The following KBTBD11 variants were observed in gnomAD, a reference collection of about 807,000 sequenced individuals.
KBTBD11 encodes kelch repeat and BTB domain-containing protein 11.
For synonymous variants in KBTBD11, 747 were observed against 499.0 expected, an observed-to-expected ratio of 1.50 and a Z score of -6.63; for missense variants, 1,390 against 1,001.8, an observed-to-expected ratio of 1.39 and a Z score of -5.23.
Position 2,002,458 on chromosome 8 carries a change from G to C in KBTBD11, c.1266G>C (p.Leu422=), listed in dbSNP as rs1585764009. The C allele has an allele frequency of 3.3e-6, 5 of 1,510,142 alleles. No homozygotes were observed. The East Asian group carries it at 1.3e-4, about 40-fold the overall frequency. The allele number at this position is 1,510,142 out of a possible 1,614,324, so 93.5% of individuals were successfully genotyped here. The part of the protein sequence containing the change: ...GHLYAVGGEC[L]LSVERYDPRA... ...TCTACGCCGTGGGCGGCGAGTGCCTGCTCAGCGTGGAGCGCTACGACCCGC... is the reference window on the plus strand; with the variant it reads ...TCTACGCCGTGGGCGGCGAGTGCCTCCTCAGCGTGGAGCGCTACGACCCGC... The change falls in exon 2 of 2, where the codon CTG becomes CTC. Residue 422 remains leucine (L), a synonymous_variant. Transcript: ENST00000320248. The surrounding 1 kb of genome is among the most constrained non-coding windows in gnomAD (Gnocchi z 4.1).
intron 1 of KBTBD11, among the ~76,000 whole-genome samples, chr8:1,977,531 T>G (rs1015479293): frequency 1.3e-5 from 2 of 151,994 alleles, no homozygotes; most frequent in Non-Finnish European, 2.9e-5. Flanking sequence ...TTATTATTAT[T>G]ATTATATTTT....
chr8:1,980,036 T>G (rs1197393896), intron 1 of KBTBD11, among the ~76,000 whole-genome samples: 2 of 152,216 alleles, frequency 1.3e-5, no homozygotes, highest in Non-Finnish European at 2.9e-5. Context: ...TGGCAGTATT[T>G]CATCTGTACA....
rs1310408287 is a variant in KBTBD11 at position 2,001,541 on chromosome 8, C to G, written c.349C>G (p.Pro117Ala). Reference protein sequence around the residue: ...SPEPRVWLEDPASPEEPGEPA... With the variant: ...SPEPRVWLEDAASPEEPGEPA... The stretch of plus-strand genomic sequence containing the variant: ...CGAACCGCGCGTTTGGCTTGAGGAC[C>G]CCGCGTCCCCCGAGGAGCCCGGGGA... The change falls in exon 2 of 2, where the codon CCC becomes GCC. Residue 117 changes from proline to alanine, a missense_variant. Physicochemically the swap from Pro to Ala is conservative, Grantham distance 27 (BLOSUM62 -1). Coordinates refer to ENST00000320248, the MANE Select transcript of KBTBD11 (RefSeq NM_014867.3). 1.4e-6 allele frequency: 2 copies of G among 1,434,158 alleles called. No individual in the cohort carries two copies. The highest frequency in any genetic ancestry group is 1.5e-5 in the African/African-American group (1 of 66,778). 88.8% of individuals were successfully genotyped at this position (1,434,158 alleles called of 1,614,324 possible). A position where few individuals can be genotyped will look rare whatever the true frequency, so the allele number is the denominator to read the frequency against.
intron 1 of KBTBD11, among the ~76,000 whole-genome samples, chr8:1,990,444 G>T (rs35727032): frequency 4.5e-5 from 4 of 89,554 alleles, no homozygotes; most frequent in African/African-American, 4.5e-5. Flanking sequence ...TAGATGCTGC[G>T]GGGCCTTGGC....
Position 2,002,799 on chromosome 8 carries a change from C to T in KBTBD11, c.1607C>T (p.Pro536Leu), listed in dbSNP as rs1467083665. The change falls in exon 2 of 2, where the codon CCG becomes CTG. Residue 536 changes from proline (P) to leucine (L), a missense_variant. Pro to Leu is a moderately conservative substitution (Grantham distance 98). Transcript: ENST00000320248. This position sits in a 1 kb window ranked among gnomAD's most constrained non-coding sequence, Gnocchi z 4.1. ...CACTGCCTGGCCAAGCAGTGGAGCC[C>T]GTGCGTCGCGCCCCTGCGCCTCCCC... The part of the protein sequence containing the change: ...RYHCLAKQWS[P>L]CVAPLRLPGG... The T allele has an allele frequency of 4.8e-6, 7 of 1,451,182 alleles. No homozygotes were observed. Among genetic ancestry groups the T allele is most frequent in the African/African-American group, 4.5e-5 (3 of 67,256 alleles). The allele number at this position is 1,451,182 out of a possible 1,614,324, so 89.9% of individuals were successfully genotyped here.
Position 2,001,157 on chromosome 8 carries a change from CG to C in KBTBD11, c.-31del. On this transcript the variant is annotated 5_prime_UTR_variant, in exon 2 of 2. Coordinates refer to ENST00000320248, the MANE Select transcript of KBTBD11 (RefSeq NM_014867.3). ...TGGCCAGACCTGCAGGCTGCGGAACCGGGGGCGCGCGGGCGCAGCGCAGCAC... is the reference window on the plus strand; with the variant it reads ...TGGCCAGACCTGCAGGCTGCGGAACCGGGGCGCGCGGGCGCAGCGCAGCAC... 7.7e-7 allele frequency: 1 copy of C among 1,296,300 alleles called. No individual in the cohort carries two copies. The allele number at this position is 1,296,300 out of a possible 1,614,324, so 80.3% of individuals were successfully genotyped here.
rs1304884630 is a variant in KBTBD11 at position 2,004,299 on chromosome 8, A to G, written c.*1235A>G. The stretch of plus-strand genomic sequence containing the variant: ...AAACAAATCAGTTGGGTCGTTTCTC[A>G]TTTAACATTTTACTTTTCAAGTGTG... On this transcript the variant is annotated 3_prime_UTR_variant, in exon 2 of 2. Coordinates refer to ENST00000320248, the MANE Select transcript of KBTBD11 (RefSeq NM_014867.3). The G allele has an allele frequency of 1.2e-5, 2 of 166,850 alleles. No homozygotes were observed. Among genetic ancestry groups the G allele is most frequent in the African/African-American group, 4.8e-5 (2 of 41,458 alleles). The allele number at this position is 166,850 out of a possible 1,614,324, so 10.3% of individuals were successfully genotyped here. A position where few individuals can be genotyped will look rare whatever the true frequency, so the allele number is the denominator to read the frequency against.
intron 1 of KBTBD11, among the ~76,000 whole-genome samples, chr8:1,989,496 C>A (rs781298818): frequency 6.6e-6 from 1 of 152,178 alleles, no homozygotes; most frequent in Non-Finnish European, 1.5e-5. Context: ...CAAGTATGGT[C>A]CATGCAGGTG....
chr8:1,993,416 TCCATCCACCCACCCAC>T (rs1287585383), intron 1 of KBTBD11, among the ~76,000 whole-genome samples: 3,803 of 112,626 alleles, frequency 0.034, 143 homozygotes, highest in Middle Eastern at 0.093. Flanking sequence ...CATCCATCCA[TCCATCCACCCACCCAC>T]CCATCCATCC....
At chr8:1,993,982 G>C (rs1817038770) in intron 1 of KBTBD11, among the ~76,000 whole-genome samples, 1 of 146,194 alleles carries the variant, frequency 6.8e-6, no homozygotes, top group East Asian at 2.0e-4. Context: ...TGGTTTATCA[G>C]GGGAGCCACA....
chr8:1,994,757 A>G (rs1031181456), intron 1 of KBTBD11, among the ~76,000 whole-genome samples: 1 of 152,142 alleles, frequency 6.6e-6, no homozygotes, highest in African/African-American at 2.4e-5. Flanking sequence ...GATGCCCTTC[A>G]TAAAAAACAA....
intron 1 of KBTBD11, chr8:1,974,515 G>T: frequency 7.1e-6 from 7 of 985,280 alleles, no homozygotes; most frequent in Non-Finnish European, 8.4e-6. Context: ...CCCTGGGGAG[G>T]GGAGCGCGGC....
In KBTBD11 at chr8:2,004,101, A is replaced by T. The variant is rs1157102020; in HGVS notation, c.*1037A>T. The T allele has an allele frequency of 6.0e-6, 1 of 166,964 alleles. No individual in the cohort carries two copies. Among genetic ancestry groups the T allele is most frequent in the East Asian group, 1.9e-4 (1 of 5,208 alleles). 10.3% of individuals were successfully genotyped at this position (166,964 alleles called of 1,614,324 possible). Reference sequence around the variant, plus strand: ...AGGGAGATTAATTTTTACAATCAGTATTCTAAGTGTGGCCGAGTGACAGTG... The same window carrying T: ...AGGGAGATTAATTTTTACAATCAGTTTTCTAAGTGTGGCCGAGTGACAGTG... On this transcript the variant is annotated 3_prime_UTR_variant, in exon 2 of 2. Transcript: ENST00000320248.
At chr8:1,982,774 A>C (rs1041615538) in intron 1 of KBTBD11, among the ~76,000 whole-genome samples, 1 of 148,958 alleles carries the variant, frequency 6.7e-6, no homozygotes, top group Admixed American at 6.7e-5. Flanking sequence ...ACAGGATCTC[A>C]CTGTGTCACC....
At chr8:1,993,032 C>T (rs1375894458) in intron 1 of KBTBD11, among the ~76,000 whole-genome samples, 6 of 152,080 alleles carry the variant, frequency 3.9e-5, no homozygotes, top group Non-Finnish European at 7.3e-5. Context: ...TGACCTCTCC[C>T]GGGCTCAAGT....
rs1239104199 is a variant in KBTBD11, at chr8:2,006,894, A to C, written c.*3830A>C. 6.0e-6 allele frequency: 1 copy of C among 166,898 alleles called. No individual in the cohort carries two copies. Among genetic ancestry groups the C allele is most frequent in the Admixed American group, 6.5e-5 (1 of 15,292 alleles). 10.3% of individuals were successfully genotyped at this position (166,898 alleles called of 1,614,324 possible). A position where few individuals can be genotyped will look rare whatever the true frequency, so the allele number is the denominator to read the frequency against. On this transcript the variant is annotated 3_prime_UTR_variant, in exon 2 of 2. Transcript: ENST00000320248. ...TAGTGCAGAGCCTCGTATGTTTGTC[A>C]GTTCATGCCGAGATGAAATAAATCA...
chr8:1,978,697 G>A (rs1816435502), intron 1 of KBTBD11, among the ~76,000 whole-genome samples: 2 of 152,208 alleles, frequency 1.3e-5, no homozygotes, highest in African/African-American at 4.8e-5. Flanking sequence ...GTGAGCGCAG[G>A]GGAATCTCAC....
At chr8:1,993,461 C>A (rs1817000836) in intron 1 of KBTBD11, among the ~76,000 whole-genome samples, 1 of 150,840 alleles carries the variant, frequency 6.6e-6, no homozygotes, top group African/African-American at 2.5e-5. Context: ...ATCCAATCAC[C>A]CATCTGTCTA....
intron 1 of KBTBD11, chr8:1,974,640 C>T (rs1816261514): frequency 3.0e-6 from 3 of 985,242 alleles, no homozygotes; most frequent in South Asian, 4.7e-5. Context: ...CGAGTCCTGC[C>T]GGGCGCCCCT....
Sources: gnomAD v4.1 joint callset for allele counts (sites outside exome capture counted in the v4.1 genomes callset) on GRCh38, gnomAD v4.1.1 for gene constraint, Gnocchi (gnomAD v3.1) non-coding constraint, MANE v1.5 for transcripts, NCBI Gene and HGNC (gene_info 2026-07-23, HGNC 2026-07-21) for gene names.